The following ACO1 variants were observed in gnomAD, a reference collection of about 807,000 sequenced individuals.
ACO1 encodes the protein aconitase 1.
In ACO1, 78 loss-of-function variants were observed where a neutral mutation model predicts 105.1. That is an observed-to-expected ratio of 0.74 (90% CI 0.62 to 0.90). ACO1 has a LOEUF of 0.90. ACO1 is among the 40% of genes least tolerant of loss of function. ACO1 has a pLI of 0.00. For missense variants in ACO1, 965 were observed against 1,111.1 expected, an observed-to-expected ratio of 0.87 and a Z score of 1.87; for synonymous variants, 364 against 397.4, an observed-to-expected ratio of 0.92 and a Z score of 1.00.
intron 1 of ACO1, among the ~76,000 whole-genome samples, chr9:32,394,132 T>G (rs1821321803): frequency 6.6e-6 from 1 of 152,256 alleles, no homozygotes; most frequent in African/African-American, 2.4e-5. Flanking sequence ...TCCCACAATG[T>G]CACACTTTTG....
chr9:32,393,467 A>G (rs1821308805), intron 1 of ACO1, among the ~76,000 whole-genome samples: 4 of 152,166 alleles, frequency 2.6e-5, no homozygotes, highest in Admixed American at 2.0e-4. Flanking sequence ...ATCAGTGACA[A>G]TGCATGCCCG....
chr9:32,421,612 C>A (rs1289144889), intron 8 of ACO1, among the ~76,000 whole-genome samples: 1 of 152,132 alleles, frequency 6.6e-6, no homozygotes, highest in Non-Finnish European at 1.5e-5. Flanking sequence ...TTTCAGAGGC[C>A]AAGGCAGGCA....
intron 19 of ACO1, chr9:32,445,920 T>C (rs1186853386): frequency 6.6e-6 from 1 of 152,356 alleles, no homozygotes; most frequent in East Asian, 1.9e-4. Context: ...TTGTGTGGTT[T>C]TGAGTGAGTT....
intron 7 of ACO1, among the ~76,000 whole-genome samples, chr9:32,419,920 G>C (rs1026287387): frequency 1.3e-5 from 2 of 152,170 alleles, no homozygotes; most frequent in African/African-American, 4.8e-5. Flanking sequence ...TTATAGTTTG[G>C]AGGCTGGGGT....
intron 10 of ACO1, 70 bp from the exon 11 acceptor site, chr9:32,425,768 C>T (rs1358119340): frequency 1.8e-6 from 2 of 1,137,620 alleles, no homozygotes; most frequent in Non-Finnish European, 2.4e-6. Flanking sequence ...TATGTATTTT[C>T]CTCTAGCCAG....
chr9:32,434,894 A>G (rs1405592645), intron 17 of ACO1, among the ~76,000 whole-genome samples, 193 bp downstream of exon 17: 1 of 152,164 alleles, frequency 6.6e-6, no homozygotes, highest in Non-Finnish European at 1.5e-5. Context: ...AACGATCAAC[A>G]TGTGAATCCT....
chr9:32,435,534 T>A lies in ACO1; in HGVS notation c.2100-716T>A, dbSNP rs80113679. Among the ~76,000 whole-genome samples, 7 of 152,292 alleles carry A rather than the reference T, an allele frequency of 4.6e-5. No individual in the cohort carries two copies. In the East Asian group the frequency reaches 1.4e-3, roughly 29 times the overall value. ...CTATCTAACCATTGATTAAATAATA[T>A]TAACACACCCACCCCCTAGTATTTT... On this transcript the variant is annotated intron_variant, in intron 17 of 20. Coordinates refer to ENST00000309951, the MANE Select transcript of ACO1 (RefSeq NM_002197.3).
In ACO1 at chr9:32,425,997, G is replaced by A. The variant is rs762749604; in HGVS notation, c.1348G>A (p.Gly450Arg). ...TSNPSVMLGA[G>R]LLAKKAVDAG... ...TAATCCGTCTGTGATGTTAGGGGCAGGTAAGTGCATTTGACTCCATCCTCA... is the reference window on the plus strand; with the variant it reads ...TAATCCGTCTGTGATGTTAGGGGCAAGTAAGTGCATTTGACTCCATCCTCA... The change falls in exon 11 of 21, where the codon GGA (glycine) becomes AGA (arginine). Residue 450 changes from glycine to arginine, a missense_variant and splice_region_variant. Coordinates refer to ENST00000309951, the MANE Select transcript of ACO1 (RefSeq NM_002197.3). The A allele has an allele frequency of 1.9e-6, 3 of 1,612,940 alleles. No individual in the cohort carries two copies. The highest frequency in any genetic ancestry group is 2.5e-6 in the Non-Finnish European group (3 of 1,179,370).
At chr9:32,431,640 G>A in intron 14 of ACO1, 79 bp from the exon 15 acceptor site, 2 of 1,502,616 alleles carry the variant, frequency 1.3e-6, no homozygotes, top group Non-Finnish European at 1.8e-6. Flanking sequence ...AACTACCGAG[G>A]AGAACGAGGC....
intron 4 of ACO1, among the ~76,000 whole-genome samples, chr9:32,415,970 G>C (rs1383804474): frequency 6.6e-6 from 1 of 152,006 alleles, no homozygotes; most frequent in Non-Finnish European, 1.5e-5. Context: ...CATGGGCTGG[G>C]TTGTAGACCC....
In ACO1 at chr9:32,429,426, G is replaced by C. The variant is rs375879049; in HGVS notation, c.1492G>C (p.Val498Leu). The C allele has an allele frequency of 6.2e-6, 10 of 1,614,128 alleles. No homozygotes were observed. The highest frequency in any genetic ancestry group is 6.8e-6 in the Non-Finnish European group (8 of 1,180,010). The change falls in exon 13 of 21, where the codon GTG becomes CTG. Residue 498 changes from valine to leucine, a missense_variant. Coordinates refer to ENST00000309951, the MANE Select transcript of ACO1 (RefSeq NM_002197.3). ...TTCTCTCTTGGTGTCTAGGTTTGAC[G>C]TGGTGGGCTATGGCTGCATGACCTG... ...MPYLSQLGFD[V>L]VGYGCMTCIG...
At chr9:32,436,118 A>G (rs758674774) in intron 17 of ACO1, 132 bp from the exon 18 acceptor site, 2 of 1,248,354 alleles carry the variant, frequency 1.6e-6, no homozygotes, top group South Asian at 1.2e-5. Flanking sequence ...ATGGAGAACA[A>G]TGCTTAGGAG....
At chr9:32,421,981 A>T (rs900225789) in intron 8 of ACO1, among the ~76,000 whole-genome samples, 4 of 152,228 alleles carry the variant, frequency 2.6e-5, no homozygotes, top group South Asian at 4.1e-4. Flanking sequence ...AAGTTTATTT[A>T]AAGAAGTTTT....
In ACO1 at chr9:32,429,425, C is replaced by T. The variant is rs758076090; in HGVS notation, c.1491C>T (p.Asp497=). 3.1e-6 allele frequency: 5 copies of T among 1,614,034 alleles called. No homozygotes were observed. The highest frequency in any genetic ancestry group is 3.3e-5 in the Admixed American group (2 of 60,016). ...CTTCTCTCTTGGTGTCTAGGTTTGA[C>T]GTGGTGGGCTATGGCTGCATGACCT... The part of the protein sequence containing the change: ...VMPYLSQLGF[D]VVGYGCMTCI... The change falls in exon 13 of 21, where the codon GAC becomes GAT. Residue 497 remains aspartate (D), a synonymous_variant. Transcript: ENST00000309951.
At chr9:32,420,215 T>C (rs1460826970) in intron 7 of ACO1, among the ~76,000 whole-genome samples, 2 of 152,206 alleles carry the variant, frequency 1.3e-5, no homozygotes, top group Non-Finnish European at 2.9e-5. Context: ...GGAAAAGATA[T>C]GGGAATCTTT....
rs1218790114 is a variant in ACO1, at chr9:32,431,779, T to C, written c.1787T>C (p.Ile596Thr). The stretch of plus-strand genomic sequence containing the variant: ...GATATCTGGCCGACTAGAGACGAGA[T>C]CCAGGCAGTGGAGCGTCAGTATGTC... ...LKDIWPTRDE[I>T]QAVERQYVIP... The change falls in exon 15 of 21, where the codon ATC (isoleucine) becomes ACC (threonine). Residue 596 changes from isoleucine (I) to threonine (T), a missense_variant. Coordinates refer to ENST00000309951, the MANE Select transcript of ACO1 (RefSeq NM_002197.3). 1 of 1,613,938 alleles carries C rather than the reference T, an allele frequency of 6.2e-7. No homozygotes were observed. Among genetic ancestry groups the C allele is most frequent in the South Asian group, 1.1e-5 (1 of 91,074 alleles).
chr9:32,423,302 C>T lies in ACO1; in HGVS notation c.971-17C>T, dbSNP rs116414147. On this transcript the variant is annotated splice_polypyrimidine_tract_variant and intron_variant, in intron 8 of 20. Coordinates refer to ENST00000309951, the MANE Select transcript of ACO1 (RefSeq NM_002197.3). ...TACTAACCTATGTTACTTGTTACTC[C>T]TTAAAATGCCTTTTAGGTCGTGATG... The T allele has an allele frequency of 1.7e-3, 2,584 of 1,484,622 alleles. 38 individuals carry two copies. In the African/African-American group the frequency reaches 0.033, roughly 19 times the overall value. 92.0% of individuals were successfully genotyped at this position (1,484,622 alleles called of 1,614,324 possible).
chr9:32,448,748 C>T (rs566087936), intron 19 of ACO1, 148 bp from the exon 20 acceptor site: 30 of 790,216 alleles, frequency 3.8e-5, no homozygotes, highest in East Asian at 3.5e-4. Flanking sequence ...AGAAATCACT[C>T]GCCTTCTGTG....
chr9:32,447,086 G>A (rs987935480), intron 19 of ACO1, among the ~76,000 whole-genome samples: 1 of 152,122 alleles, frequency 6.6e-6, no homozygotes, highest in East Asian at 1.9e-4. Context: ...GGTGTTCCAT[G>A]TATTTCCTGA....
Sources: gnomAD v4.1 joint callset for allele counts (sites outside exome capture counted in the v4.1 genomes callset) on GRCh38, gnomAD v4.1.1 for gene constraint, MANE v1.5 for transcripts, NCBI Gene and HGNC (gene_info 2026-07-23, HGNC 2026-07-21) for gene names.